Variants in RARB observed in about 807,000 individuals in gnomAD.
RARB encodes the protein retinoic acid receptor beta, also known as HBV-activated protein.
Under a neutral mutation model 51.9 loss-of-function variants are expected in RARB, and 17 were observed. The observed-to-expected ratio is 0.33, with a 90% CI of 0.22 to 0.49. The LOEUF (loss-of-function observed/expected upper bound fraction) is 0.49, where lower values mean the gene tolerates loss of function less well. Ranked by LOEUF, RARB falls within the 20% of genes least tolerant of loss-of-function variation. The probability of loss-of-function intolerance (pLI) is 0.99; values close to 1 mark genes in which losing one functional copy is unlikely to be tolerated. For synonymous variants in RARB, 215 were observed against 195.4 expected, an observed-to-expected ratio of 1.10 and a Z score of -0.84; for missense variants, 369 against 550.8, an observed-to-expected ratio of 0.67 and a Z score of 3.30.
At chr3:25,468,357 C>T (rs931962276) in intron 2 of RARB, among the ~76,000 whole-genome samples, 2 of 141,206 alleles carry the variant, frequency 1.4e-5, no homozygotes. Context: ...GCCTTCTGTA[C>T]ACTAGGCATT....
At chr3:25,477,490 A>G (rs1432527122) in intron 2 of RARB, among the ~76,000 whole-genome samples, 1 of 152,242 alleles carries the variant, frequency 6.6e-6, no homozygotes, top group Non-Finnish European at 1.5e-5. Flanking sequence ...CCTGTTTGTC[A>G]TATACAACAG....
At chr3:25,471,971 C>T (rs193243778) in intron 2 of RARB, among the ~76,000 whole-genome samples, 2 of 152,142 alleles carry the variant, frequency 1.3e-5, no homozygotes, top group African/African-American at 2.4e-5. Context: ...GCTCAGAGCC[C>T]TTGGTCTTCC....
chr3:25,301,270 G>T (rs747746688), intron 5 of RARB, among the ~76,000 whole-genome samples: 6 of 152,112 alleles, frequency 3.9e-5, no homozygotes, highest in Non-Finnish European at 8.8e-5. Context: ...ATACCAATGG[G>T]GTTAGTCTCC....
intron 3 of RARB, among the ~76,000 whole-genome samples, chr3:25,077,191 G>C (rs1459904760): frequency 1.3e-5 from 2 of 152,202 alleles, no homozygotes; most frequent in Non-Finnish European, 2.9e-5. Context: ...TCTAAACCAA[G>C]TGCATTGGAG....
intron 2 of RARB, chr3:25,024,939 G>GT (rs1160547249): frequency 8.0e-6 from 1 of 124,926 alleles, no homozygotes; most frequent in Non-Finnish European, 1.6e-5. Flanking sequence ...GGACAACAGA[G>GT]TGAGACTCCG....
At chr3:25,477,599 C>T (rs747215698) in intron 2 of RARB, among the ~76,000 whole-genome samples, 8 of 152,304 alleles carry the variant, frequency 5.3e-5, no homozygotes, top group Non-Finnish European at 8.8e-5. Flanking sequence ...ACATATGCAA[C>T]ATCTCCTTTT....
intron 5 of RARB, among the ~76,000 whole-genome samples, chr3:25,296,723 G>C (rs1250303097): frequency 6.6e-6 from 1 of 152,140 alleles, no homozygotes; most frequent in African/African-American, 2.4e-5. Flanking sequence ...TCAGTTCTCA[G>C]AATGGATCTC....
chr3:25,146,503 G>GTTTTTTTTTTTTTTTTTTT (rs1364462708), intron 4 of RARB, among the ~76,000 whole-genome samples: 4 of 73,520 alleles, frequency 5.4e-5, no homozygotes, highest in African/African-American at 1.5e-4. Flanking sequence ...TTTTTTGTTT[G>GTTTTTTTTTTTTTTTTTTT]TTTGTTTGTT....
At chr3:25,349,227 A>G (rs562385223) in intron 5 of RARB, among the ~76,000 whole-genome samples, 10 of 152,292 alleles carry the variant, frequency 6.6e-5, no homozygotes, top group African/African-American at 2.4e-4. Context: ...TCATGCCCTC[A>G]GCATGTTTCC....
At chr3:25,431,594 C>T (rs1233986786) in intron 1 of RARB, among the ~76,000 whole-genome samples, 2 of 152,022 alleles carry the variant, frequency 1.3e-5, no homozygotes, top group Non-Finnish European at 2.9e-5. Flanking sequence ...CAGATGTTTT[C>T]AACATTAATT....
rs567344806 is a variant in RARB at position 24,887,231 on chromosome 3, G to A, written c.-380+28479G>A. Among the ~76,000 whole-genome samples, 9 of 152,326 alleles carry A rather than the reference G, an allele frequency of 5.9e-5. 1 individual carries two copies. In the East Asian group the frequency reaches 1.3e-3, roughly 23 times the overall value. On this transcript the variant is annotated intron_variant, in intron 2 of 11. Transcript: ENST00000383772. ...ATGATGTATGAAGAAAACTTTCAAG[G>A]CGGCGGGGTGGAGAGACAAAAGGAT...
intron 5 of RARB, among the ~76,000 whole-genome samples, chr3:25,219,796 C>G (rs1202194326): frequency 6.6e-6 from 1 of 152,192 alleles, no homozygotes; most frequent in Non-Finnish European, 1.5e-5. Context: ...TTTCAGAATA[C>G]AGGCTCCTAC....
chr3:24,963,570 G>A (rs534958732), intron 2 of RARB, among the ~76,000 whole-genome samples: 82 of 151,610 alleles, frequency 5.4e-4, no homozygotes, highest in Non-Finnish European at 7.8e-4. Context: ...ATAACTTTTA[G>A]AACTAAATTC....
intron 5 of RARB, among the ~76,000 whole-genome samples, chr3:25,390,263 G>A (rs1327581254): frequency 6.6e-6 from 1 of 152,116 alleles, no homozygotes; most frequent in Non-Finnish European, 1.5e-5. Flanking sequence ...GGAAGCTGAG[G>A]AGGGAGGATT....
chr3:24,967,337 C>T (rs1358390191), intron 2 of RARB, among the ~76,000 whole-genome samples: 1 of 152,160 alleles, frequency 6.6e-6, no homozygotes, highest in Non-Finnish European at 1.5e-5. Flanking sequence ...GATTATCTCT[C>T]AAGGCTACCT....
chr3:25,213,526 C>T (rs1701748302), intron 5 of RARB, among the ~76,000 whole-genome samples: 1 of 152,168 alleles, frequency 6.6e-6, no homozygotes, highest in Non-Finnish European at 1.5e-5. Flanking sequence ...CTCTGAGCAT[C>T]CTTGTACATG....
intron 2 of RARB, among the ~76,000 whole-genome samples, chr3:25,000,003 T>TCC (rs1422847349): frequency 6.6e-6 from 1 of 151,738 alleles, no homozygotes; most frequent in Non-Finnish European, 1.5e-5. Context: ...CTGAGATCTG[T>TCC]CCAGGAGAAG....
chr3:24,918,529 T>A (rs554386781), intron 2 of RARB, among the ~76,000 whole-genome samples: 1 of 152,352 alleles, frequency 6.6e-6, no homozygotes, highest in South Asian at 2.1e-4. Flanking sequence ...TATACACTTA[T>A]AACAGGTGAA....
intron 5 of RARB, among the ~76,000 whole-genome samples, chr3:25,265,116 G>A (rs1046992908): frequency 2.0e-5 from 3 of 152,098 alleles, no homozygotes; most frequent in African/African-American, 4.8e-5. Context: ...ATAAATTTCT[G>A]TTGTTTGTAA....
Sources: gnomAD v4.1 joint callset for allele counts (sites outside exome capture counted in the v4.1 genomes callset) on GRCh38, gnomAD v4.1.1 for gene constraint, MANE v1.5 for transcripts, NCBI Gene and HGNC (gene_info 2026-07-23, HGNC 2026-07-21) for gene names.